Variants in YEATS2 observed in about 807,000 individuals in gnomAD.
YEATS2 encodes YEATS domain containing 2.
YEATS2 carries 77 observed loss-of-function variants against 163.2 expected under a neutral mutation model. That is an observed-to-expected ratio of 0.47 (90% CI 0.39 to 0.57). The LOEUF is 0.57. Among genes scored for constraint, YEATS2 ranks in the 20% least tolerant of loss-of-function variants. YEATS2 has a pLI of 0.00. For missense variants in YEATS2, 1,549 were observed against 1,729.8 expected, an observed-to-expected ratio of 0.90 and a Z score of 1.85; for synonymous variants, 631 against 645.1, an observed-to-expected ratio of 0.98 and a Z score of 0.33.
At chr3:183,731,872 A>T (rs554089139) in intron 7 of YEATS2, among the ~76,000 whole-genome samples, 12 of 152,346 alleles carry the variant, frequency 7.9e-5, no homozygotes, top group African/African-American at 2.9e-4. Context: ...TTAGCTGTTC[A>T]CAGCCTGGCG....
At position 183,734,003 on chromosome 3, in the gene YEATS2, A is replaced by G. The variant is rs376387102; in HGVS notation, c.813-2715A>G. Among the ~76,000 whole-genome samples the G allele has an allele frequency of 3.5e-4, 53 of 152,312 alleles. No homozygotes were observed. In the South Asian group the frequency reaches 9.1e-3, roughly 26 times the overall value. On this transcript the variant is annotated intron_variant, in intron 7 of 30. Coordinates refer to ENST00000305135, the MANE Select transcript of YEATS2 (RefSeq NM_018023.5). Reference sequence around the variant, plus strand: ...TGAAACTGGAGCGGGCCAGCTCGCCAGAGGAATCCTAGTGAGCCTCTTCCA... The same window carrying G: ...TGAAACTGGAGCGGGCCAGCTCGCCGGAGGAATCCTAGTGAGCCTCTTCCA...
rs758491775 is a variant in YEATS2, at chr3:183,790,828, C to T, written c.2945C>T (p.Thr982Met). 2.9e-5 allele frequency: 46 copies of T among 1,613,996 alleles called. No homozygotes were observed. The highest frequency in any genetic ancestry group is 4.5e-5 in the East Asian group (2 of 44,888). The change falls in exon 21 of 31, where the codon ACG (threonine) becomes ATG (methionine). Residue 982 changes from threonine (T) to methionine (M), a missense_variant. By Grantham distance (81) the Thr-to-Met change is moderately conservative. Coordinates refer to ENST00000305135, the MANE Select transcript of YEATS2 (RefSeq NM_018023.5). ...GGAATGGCTCCCGTGTCTTCATCTA[C>T]GGTCAGTTCTGTAACGAAAACTTCT... ...SEGMAPVSSS[T>M]VSSVTKTSGQ...
Position 183,721,876 on chromosome 3 carries a change from T to G in YEATS2, c.292-15T>G. 6.2e-7 allele frequency: 1 copy of G among 1,608,724 alleles called. No homozygotes were observed. The highest frequency in any genetic ancestry group is 8.5e-7 in the Non-Finnish European group (1 of 1,177,242). On this transcript the variant is annotated splice_polypyrimidine_tract_variant and intron_variant, in intron 4 of 30. Coordinates refer to ENST00000305135, the MANE Select transcript of YEATS2 (RefSeq NM_018023.5). ...TTTGATTAAAAATTTATTTGCTTGC[T>G]TTCATTTTTTGTAGGGATCAAAGAC...
chr3:183,743,709 T>G (rs1025688002), intron 8 of YEATS2, among the ~76,000 whole-genome samples: 4 of 152,126 alleles, frequency 2.6e-5, no homozygotes, highest in South Asian at 4.1e-4. Flanking sequence ...TTTTATAGTA[T>G]TATAGTTTTG....
intron 25 of YEATS2, chr3:183,802,533 G>T (rs1263250220): frequency 7.4e-6 from 1 of 134,596 alleles, no homozygotes; most frequent in African/African-American, 2.7e-5. Flanking sequence ...ATATATACAC[G>T]TGTATATACA....
At chr3:183,747,095 A>AT (rs1719628208) in intron 8 of YEATS2, among the ~76,000 whole-genome samples, 1 of 152,174 alleles carries the variant, frequency 6.6e-6, no homozygotes, top group Admixed American at 6.5e-5. Flanking sequence ...CTCTCTCAAA[A>AT]AACAAATCAT....
At chr3:183,764,679 C>T (rs1009468765) in intron 15 of YEATS2, among the ~76,000 whole-genome samples, 14 of 152,104 alleles carry the variant, frequency 9.2e-5, no homozygotes, top group Middle Eastern at 3.4e-3. Flanking sequence ...TGGTGGCGGG[C>T]GCCTGTAATC....
chr3:183,703,835 A>G (rs532797742), intron 1 of YEATS2, among the ~76,000 whole-genome samples: 4 of 152,150 alleles, frequency 2.6e-5, no homozygotes, highest in African/African-American at 9.6e-5. Context: ...GATCATATGT[A>G]TTTGGATTAC....
rs1726528754 is a variant in YEATS2, at chr3:183,809,095, A to C, written c.4087-2A>C. 6.2e-7 allele frequency: 1 copy of C among 1,613,984 alleles called. No individual in the cohort carries two copies. The highest frequency in any genetic ancestry group is 8.5e-7 in the Non-Finnish European group (1 of 1,180,008). ...GAAGAATAACAGCATCTTCCATTGT[A>C]GGCTACAGAACAGCTGGTGAATGAT... On this transcript the variant is annotated splice_acceptor_variant, in intron 29 of 30. Transcript: ENST00000305135. LOFTEE classifies it high-confidence loss of function.
intron 20 of YEATS2, among the ~76,000 whole-genome samples, chr3:183,789,051 T>G (rs1339381259): frequency 1.3e-5 from 2 of 152,242 alleles, no homozygotes; most frequent in African/African-American, 4.8e-5. Flanking sequence ...ATATGTAGTT[T>G]GCCAGTATTT....
rs1213475626 is a variant in YEATS2 at position 183,756,681 on chromosome 3, C to T, written c.1544C>T (p.Pro515Leu). The T allele has an allele frequency of 6.3e-7, 1 of 1,579,042 alleles. No individual in the cohort carries two copies. The highest frequency in any genetic ancestry group is 1.2e-5 in the South Asian group (1 of 83,426). The change falls in exon 12 of 31, where the codon CCC becomes CTC. Residue 515 changes from proline to leucine, a missense_variant. By Grantham distance (98) the Pro-to-Leu change is moderately conservative. Transcript: ENST00000305135. ...GGGCAGGTGATTGGAGCCACCACTCCCAGTACAGGTGTGTATTAGATCCAT... is the reference window on the plus strand; with the variant it reads ...GGGCAGGTGATTGGAGCCACCACTCTCAGTACAGGTGTGTATTAGATCCAT... ...QPGQVIGATT[P>L]STGSPTNKIS...
intron 11 of YEATS2, among the ~76,000 whole-genome samples, chr3:183,756,024 G>T (rs1720728873): frequency 6.6e-6 from 1 of 151,946 alleles, no homozygotes; most frequent in African/African-American, 2.4e-5. Context: ...GGGATTACAG[G>T]CACGAGCCAC....
At position 183,790,066 on chromosome 3, in the gene YEATS2, A is replaced by T. The variant is rs79046468; in HGVS notation, c.2914-731A>T. Among the ~76,000 whole-genome samples, 1,198 of 152,266 alleles carry T rather than the reference A, an allele frequency of 7.9e-3. 12 individuals are homozygous for T. Among genetic ancestry groups the T allele is most frequent in the African/African-American group, 0.028 (1,146 of 41,522 alleles). On this transcript the variant is annotated intron_variant, in intron 20 of 30. Coordinates refer to ENST00000305135, the MANE Select transcript of YEATS2 (RefSeq NM_018023.5). ...ACCACTCTGCTTTGCAGCTTCTTGAACATACAATGTTCTTTCATGCCTCAC... is the reference window on the plus strand; with the variant it reads ...ACCACTCTGCTTTGCAGCTTCTTGATCATACAATGTTCTTTCATGCCTCAC...
In YEATS2 at chr3:183,745,798, C is replaced by T. The variant is rs530189360; in HGVS notation, c.925-1874C>T. On this transcript the variant is annotated intron_variant, in intron 8 of 30. Transcript: ENST00000305135. ...GATCCATTTAGTAAAACCTTGACCC[C>T]GTTTGTCCTTTTGTCGTAGTGTTTC... 5.3e-5 allele frequency among the ~76,000 whole-genome samples: 8 copies of T among 152,114 alleles called. No individual in the cohort carries two copies. In the South Asian group the frequency reaches 1.5e-3, roughly 28 times the overall value.
intron 11 of YEATS2, among the ~76,000 whole-genome samples, chr3:183,755,432 T>C (rs1403132851): frequency 2.0e-5 from 3 of 152,190 alleles, no homozygotes; most frequent in Non-Finnish European, 2.9e-5. Flanking sequence ...TAGGCAATTT[T>C]ACCTACCAGG....
intron 25 of YEATS2, 49 bp downstream of exon 25, chr3:183,801,577 C>G (rs766163177): frequency 7.0e-6 from 10 of 1,428,314 alleles, no homozygotes; most frequent in Non-Finnish European, 8.7e-6. Flanking sequence ...AAGCTGTGAA[C>G]TTAAGGTATT....
intron 19 of YEATS2, among the ~76,000 whole-genome samples, chr3:183,783,106 A>G (rs1723736006): frequency 6.6e-6 from 1 of 152,200 alleles, no homozygotes; most frequent in African/African-American, 2.4e-5. Flanking sequence ...TTACTTGTGG[A>G]ATCTAGTCAT....
At chr3:183,776,373 G>A (rs1365719710) in intron 18 of YEATS2, among the ~76,000 whole-genome samples, 1 of 151,812 alleles carries the variant, frequency 6.6e-6, no homozygotes, top group Non-Finnish European at 1.5e-5. Flanking sequence ...GCAAAACCCT[G>A]TCTCTACTAA....
At chr3:183,794,391 G>A (rs1724945927) in intron 21 of YEATS2, among the ~76,000 whole-genome samples, 1 of 152,208 alleles carries the variant, frequency 6.6e-6, no homozygotes, top group Admixed American at 6.5e-5. Context: ...GCTTCTCAGT[G>A]GCAGTGCTAG....
Sources: allele counts gnomAD v4.1 joint callset (sites outside exome capture counted in the v4.1 genomes callset), GRCh38; gene constraint gnomAD v4.1.1; transcripts MANE v1.5; gene names NCBI Gene and HGNC (gene_info 2026-07-23, HGNC 2026-07-21).